The following KRTDAP variants were observed in gnomAD, a reference collection of about 807,000 sequenced individuals.
KRTDAP encodes the protein keratinocyte differentiation associated protein.
In KRTDAP, 14 loss-of-function variants were observed where a neutral mutation model predicts 18.6. The observed-to-expected ratio is 0.75, with a 90% confidence interval of 0.50 to 1.18. KRTDAP has a LOEUF of 1.18. Ranked by LOEUF, KRTDAP falls within the 50% of genes most tolerant of loss-of-function variation. The pLI, the probability that KRTDAP is intolerant of heterozygous loss-of-function variation, is 0.00. For missense variants in KRTDAP, 114 were observed against 121.3 expected (o/e 0.94, Z 0.28); for synonymous variants, 53 against 49.5 (o/e 1.07, Z -0.29).
intron 1 of KRTDAP, among the ~76,000 whole-genome samples, chr19:35,489,096 T>C (rs540734290): frequency 2.0e-4 from 31 of 152,350 alleles, no homozygotes; most frequent in African/African-American, 7.5e-4. Context: ...CGAGCATTCC[T>C]CTCCGGAAAA....
Position 35,487,404 on chromosome 19 carries a change from C to T in KRTDAP, c.*24G>A. 5.0e-6 allele frequency: 8 copies of T among 1,611,852 alleles called. No homozygotes were observed. The highest frequency in any genetic ancestry group is 5.9e-6 in the Non-Finnish European group (7 of 1,177,912). Reference sequence around the variant, plus strand: ...GTTGAGAATCAGCGCTCACGCTAGCCCCCTCTTCCAGTGGAGGTCATGGTC... The same window carrying T: ...GTTGAGAATCAGCGCTCACGCTAGCTCCCTCTTCCAGTGGAGGTCATGGTC... On this transcript the variant is annotated 3_prime_UTR_variant, in exon 6 of 6. Transcript: ENST00000338897.
chr19:35,488,552 C>T, intron 3 of KRTDAP, 67 bp from the exon 4 acceptor site: 1 of 1,608,542 alleles, frequency 6.2e-7, no homozygotes, highest in Admixed American at 1.7e-5. Context: ...GCCCCCAGCC[C>T]TCTGGAGAAG....
At chr19:35,488,736 C>T (rs1323914946) in intron 2 of KRTDAP, 33 bp from the exon 3 acceptor site, 1 of 1,613,764 alleles carries the variant, frequency 6.2e-7, no homozygotes, top group African/African-American at 1.3e-5. Context: ...AGGAAAGTTG[C>T]TAAGAAGCAA....
At chr19:35,490,288 G>A in intron 1 of KRTDAP, 68 bp downstream of exon 1, 1 of 965,150 alleles carries the variant, frequency 1.0e-6, no homozygotes. Flanking sequence ...GGAATGGACA[G>A]GAGGTAGAGA....
rs753727451 is a variant in KRTDAP, at chr19:35,488,796, G to T, written c.126+6C>A. 6.2e-7 allele frequency: 1 copy of T among 1,614,158 alleles called. No individual in the cohort carries two copies. The highest frequency in any genetic ancestry group is 1.1e-5 in the South Asian group (1 of 91,078). On this transcript the variant is annotated splice_donor_region_variant and intron_variant, in intron 2 of 5. Transcript: ENST00000338897. ...GCTGGAGGGCCGGGGAAAACAGACG[G>T]CTTACCTCGGGTCGTGACGCATAAT...
At chr19:35,488,633 TG>T (rs772829906) in intron 3 of KRTDAP, 28 bp downstream of exon 3, 21 of 1,613,788 alleles carry the variant, frequency 1.3e-5, no homozygotes, top group Non-Finnish European at 1.8e-5. Flanking sequence ...AGGGTATTCG[TG>T]GGGGTAGCAC....
Position 35,487,727 on chromosome 19 carries a change from C to G in KRTDAP, c.246G>C (p.Trp82Cys), listed in dbSNP as rs1275337330. Reference sequence around the variant, plus strand: ...CACCTCTTACCTTAGGAAAGGCATCCCAGTTGAGGAAAGGAAGTTTCCTTT... The same window carrying G: ...CACCTCTTACCTTAGGAAAGGCATCGCAGTTGAGGAAAGGAAGTTTCCTTT... ...SIKRKLPFLN[W>C]DAFPKLKGLR... Residue 82 changes from tryptophan (W) to cysteine (C), a missense_variant, in exon 5 of 6, where the codon TGG becomes TGC. By Grantham distance (215) the Trp-to-Cys change is radical. Coordinates refer to ENST00000338897, the MANE Select transcript of KRTDAP (RefSeq NM_207392.3). 60 of 1,613,180 alleles carry G rather than the reference C, an allele frequency of 3.7e-5. No individual in the cohort carries two copies. Among genetic ancestry groups the G allele is most frequent in the Non-Finnish European group, 5.1e-5 (60 of 1,179,354 alleles).
chr19:35,487,606 G>A, intron 5 of KRTDAP, 106 bp downstream of exon 5: 2 of 1,183,256 alleles, frequency 1.7e-6, no homozygotes, highest in Non-Finnish European at 1.3e-6. Context: ...CTTCAGTTTG[G>A]TGAGAAGGCT....
intron 1 of KRTDAP, 94 bp from the exon 2 acceptor site, chr19:35,488,934 G>C: frequency 2.5e-6 from 3 of 1,210,340 alleles, no homozygotes; most frequent in Non-Finnish European, 3.6e-6. Flanking sequence ...TTCATCCACA[G>C]CCCAGTCCCC....
At chr19:35,489,486 C>A (rs902276888) in intron 1 of KRTDAP, among the ~76,000 whole-genome samples, 1 of 152,186 alleles carries the variant, frequency 6.6e-6, no homozygotes, top group Non-Finnish European at 1.5e-5. Context: ...ATAAATTCAT[C>A]CAGATTTCTA....
rs1240558091 is a variant in KRTDAP, at chr19:35,487,435, G to A, written c.293C>T (p.Ala98Val). Residue 98 changes from alanine to valine, a missense_variant, in exon 6 of 6, where the codon GCC (alanine) becomes GTC (valine). Coordinates refer to ENST00000338897, the MANE Select transcript of KRTDAP (RefSeq NM_207392.3). The stretch of plus-strand genomic sequence containing the variant: ...TTCCAGTGGAGGTCATGGTCACTGG[G>A]CATCAGGAGTTGCGCTCCTCAGTCC... ...LKGLRSATPD[A>V]Q The A allele has an allele frequency of 6.2e-7, 1 of 1,613,998 alleles. No homozygotes were observed. The highest frequency in any genetic ancestry group is 1.3e-5 in the African/African-American group (1 of 74,934).
chr19:35,488,341 G>A (rs1020264227), intron 4 of KRTDAP, 100 bp downstream of exon 4: 20 of 1,232,630 alleles, frequency 1.6e-5, no homozygotes, highest in Non-Finnish European at 2.3e-5. Context: ...CCCTCCCAGA[G>A]ATCAGGAACC....
At position 35,488,681 on chromosome 19, in the gene KRTDAP, T is replaced by G; in HGVS notation, c.149A>C (p.Asn50Thr). 1 of 1,614,144 alleles carries G rather than the reference T, an allele frequency of 6.2e-7. No individual in the cohort carries two copies. Among genetic ancestry groups the G allele is most frequent in the East Asian group, 2.2e-5 (1 of 44,880 alleles). The change falls in exon 3 of 6, where the codon AAC becomes ACC. Residue 50 changes from asparagine (N) to threonine (T), a missense_variant. Asn to Thr is a moderately conservative substitution (Grantham distance 65). Coordinates refer to ENST00000338897, the MANE Select transcript of KRTDAP (RefSeq NM_207392.3). ...RPEAFNTPFLNIDKLRSAFKA... is the reference protein window; with the variant it reads ...RPEAFNTPFLTIDKLRSAFKA... ...ACTCACAGATCGCAATTTGTCGATGTTCAGGAACGGGGTGTTAAAGGCCTA... is the reference window on the plus strand; with the variant it reads ...ACTCACAGATCGCAATTTGTCGATGGTCAGGAACGGGGTGTTAAAGGCCTA...
rs138609743 is a variant in KRTDAP, at chr19:35,488,484, G to A, written c.170C>T (p.Ala57Val). Residue 57 changes from alanine to valine, a missense_variant and splice_region_variant, in exon 4 of 6, where the codon GCG becomes GTG. By Grantham distance (64) the Ala-to-Val change is moderately conservative. Transcript: ENST00000338897. ...GTTCAGGAACTCATCAGCCTTAAAC[G>A]CCTGAGGAGGAAGAGAGACAGCAGA... The part of the protein sequence containing the change: ...PFLNIDKLRS[A>V]FKADEFLNWH... 248 of 1,613,648 alleles carry A rather than the reference G, an allele frequency of 1.5e-4. No homozygotes were observed. The highest frequency in any genetic ancestry group is 1.1e-3 in the African/African-American group (84 of 75,040).
In KRTDAP at chr19:35,488,886, C is replaced by T. The variant is rs752678884; in HGVS notation, c.88-46G>A. ...AAGGCGGCAGGGGGTCACGTGATGCCAGGGCCCTTGCCCACATCCCTGTCT... is the reference window on the plus strand; with the variant it reads ...AAGGCGGCAGGGGGTCACGTGATGCTAGGGCCCTTGCCCACATCCCTGTCT... On this transcript the variant is annotated intron_variant, in intron 1 of 5. Coordinates refer to ENST00000338897, the MANE Select transcript of KRTDAP (RefSeq NM_207392.3). 8 of 1,588,484 alleles carry T rather than the reference C, an allele frequency of 5.0e-6. No individual in the cohort carries two copies. The Admixed American group carries it at 1.0e-4, about 20-fold the overall frequency.
intron 1 of KRTDAP, 80 bp from the exon 2 acceptor site, chr19:35,488,920 T>A: frequency 7.3e-7 from 1 of 1,366,182 alleles, no homozygotes; most frequent in African/African-American, 1.4e-5. Flanking sequence ...CTGCCAGCTC[T>A]GCCTTCATCC....
chr19:35,490,161 A>G (rs2067514356), intron 1 of KRTDAP, among the ~76,000 whole-genome samples, 195 bp downstream of exon 1: 1 of 152,140 alleles, frequency 6.6e-6, no homozygotes, highest in Admixed American at 6.5e-5. Context: ...CCTTCCAGAA[A>G]GAGGAGCATC....
intron 5 of KRTDAP, 88 bp from the exon 6 acceptor site, chr19:35,487,554 G>T (rs1423473777): frequency 4.7e-5 from 61 of 1,296,358 alleles, no homozygotes; most frequent in Non-Finnish European, 6.5e-5. Flanking sequence ...CTGCCTCGGT[G>T]TGAGTTCCCG....
chr19:35,488,000 C>T (rs909298221), intron 4 of KRTDAP, among the ~76,000 whole-genome samples: 2 of 152,188 alleles, frequency 1.3e-5, no homozygotes, highest in Non-Finnish European at 2.9e-5. Flanking sequence ...GAATTGTCAT[C>T]ATCCCCACAT....
Sources: allele counts gnomAD v4.1 joint callset (sites outside exome capture counted in the v4.1 genomes callset), GRCh38; gene constraint gnomAD v4.1.1; transcripts MANE v1.5; gene names NCBI Gene and HGNC (gene_info 2026-07-23, HGNC 2026-07-21).